ZMAT4: variants seen among roughly 807,000 people sequenced by gnomAD.
ZMAT4 encodes the protein zinc finger matrin-type 4.
In ZMAT4, 17 loss-of-function variants were observed where a neutral mutation model predicts 28.7. That is an observed-to-expected ratio of 0.59 (90% CI 0.41 to 0.89). ZMAT4 has a LOEUF of 0.89. ZMAT4 is among the 40% of genes least tolerant of loss of function. ZMAT4 has a pLI of 0.00. For synonymous variants in ZMAT4, 117 were observed against 109.2 expected, an observed-to-expected ratio of 1.07 and a Z score of -0.44; for missense variants, 240 against 283.8, an observed-to-expected ratio of 0.85 and a Z score of 1.11.
chr8:40,667,941 C>T (rs538412447), intron 5 of ZMAT4, among the ~76,000 whole-genome samples: 4 of 151,442 alleles, frequency 2.6e-5, no homozygotes, highest in South Asian at 2.1e-4. Flanking sequence ...ATGAGAAATA[C>T]TTTTGCCCTC....
rs183579420 is a variant in ZMAT4 at position 40,887,144 on chromosome 8, C to G, written c.-5+10539G>C. ...GGAGATCATGCCACTGCACTCCAGC[C>G]TGGGTGACAGAGCAAGACTCCGTCT... is the stretch of plus-strand genomic sequence containing the variant. On this transcript the variant is annotated intron_variant, in intron 1 of 6. Transcript: ENST00000297737. Among the ~76,000 whole-genome samples the G allele has an allele frequency of 8.3e-3, 1,121 of 135,770 alleles. 6 individuals carry two copies. Among genetic ancestry groups the G allele is most frequent in the Admixed American group, 0.012 (142 of 11,972 alleles). 89.1% of individuals were successfully genotyped at this position (135,770 alleles called of 152,430 possible).
intron 1 of ZMAT4, among the ~76,000 whole-genome samples, chr8:40,838,478 G>A (rs1041085812): frequency 6.6e-6 from 1 of 152,178 alleles, no homozygotes; most frequent in Non-Finnish European, 1.5e-5. Flanking sequence ...GAGTAGCTGG[G>A]ACTACAAGTG....
At chr8:40,590,527 G>A (rs1804856556) in intron 5 of ZMAT4, among the ~76,000 whole-genome samples, 1 of 152,018 alleles carries the variant, frequency 6.6e-6, no homozygotes, top group Admixed American at 6.6e-5. Flanking sequence ...ATGCATTCAA[G>A]CTTCCTGCAT....
intron 4 of ZMAT4, among the ~76,000 whole-genome samples, chr8:40,680,743 C>G (rs1809126901): frequency 1.3e-5 from 2 of 151,684 alleles, no homozygotes; most frequent in Admixed American, 1.3e-4. Flanking sequence ...TATACTTTCT[C>G]TCTCTCTCTA....
At chr8:40,540,446 C>G (rs918190643) in intron 6 of ZMAT4, among the ~76,000 whole-genome samples, 1 of 152,134 alleles carries the variant, frequency 6.6e-6, no homozygotes, top group African/African-American at 2.4e-5. Flanking sequence ...GTCCCACAAC[C>G]CTGATTTCAC....
chr8:40,696,615 C>A (rs1157517769), intron 4 of ZMAT4, among the ~76,000 whole-genome samples: 1 of 152,150 alleles, frequency 6.6e-6, no homozygotes, highest in Non-Finnish European at 1.5e-5. Flanking sequence ...AAGGTCAAAT[C>A]ATCGGTTATC....
intron 5 of ZMAT4, among the ~76,000 whole-genome samples, chr8:40,601,065 A>G (rs1412385811): frequency 6.6e-6 from 1 of 152,150 alleles, no homozygotes. Flanking sequence ...CATTGCTTGA[A>G]TATTTTCAGC....
rs1242881679 is a variant in ZMAT4, at chr8:40,648,814, C to A, written c.577+25890G>T. ...AATTTTCAACCCAGAATTTCATATC[C>A]AGCCAAACTAAGCTTCATAAGTGAA... is the stretch of plus-strand genomic sequence containing the variant. On this transcript the variant is annotated intron_variant, in intron 5 of 6. Transcript: ENST00000297737. 4.2e-5 allele frequency among the ~76,000 whole-genome samples: 5 copies of A among 118,280 alleles called. 1 individual carries two copies. Among genetic ancestry groups the A allele is most frequent in the African/African-American group, 1.5e-4 (5 of 34,162 alleles). The allele number at this position is 118,280 out of a possible 152,430, so 77.6% of individuals were successfully genotyped here. A position where few individuals can be genotyped will look rare whatever the true frequency, so the allele number is the denominator to read the frequency against.
intron 5 of ZMAT4, among the ~76,000 whole-genome samples, chr8:40,646,699 C>T (rs1488020990): frequency 1.3e-5 from 2 of 152,076 alleles, no homozygotes; most frequent in Non-Finnish European, 2.9e-5. Flanking sequence ...CCCAAAAGTA[C>T]ATAAAGCAAA....
chr8:40,613,180 C>CTTTTTTT (rs34687121), intron 5 of ZMAT4, among the ~76,000 whole-genome samples: 9 of 79,970 alleles, frequency 1.1e-4, no homozygotes, highest in Non-Finnish European at 1.3e-4. Flanking sequence ...TACTTTCTTT[C>CTTTTTTT]TTTTTTTTTT....
chr8:40,713,311 A>C (rs1406243087), intron 3 of ZMAT4, among the ~76,000 whole-genome samples: 1 of 152,196 alleles, frequency 6.6e-6, no homozygotes, highest in Admixed American at 6.5e-5. Flanking sequence ...ATACAGTCTT[A>C]GGATGAGTTA....
chr8:40,813,542 C>G (rs922933416), intron 2 of ZMAT4, among the ~76,000 whole-genome samples: 1 of 152,220 alleles, frequency 6.6e-6, no homozygotes, highest in Admixed American at 6.5e-5. Context: ...AAGCATGAAC[C>G]TTTCCATGAA....
At chr8:40,808,805 A>T (rs1249173422) in intron 2 of ZMAT4, among the ~76,000 whole-genome samples, 1 of 152,100 alleles carries the variant, frequency 6.6e-6, no homozygotes, top group Non-Finnish European at 1.5e-5. Flanking sequence ...AACTAATGTT[A>T]AAAACTCGCC....
intron 1 of ZMAT4, among the ~76,000 whole-genome samples, chr8:40,867,901 G>T (rs1164911053): frequency 6.6e-6 from 1 of 151,698 alleles, no homozygotes; most frequent in African/African-American, 2.4e-5. Flanking sequence ...TGCATGGCCT[G>T]CACATGTATC....
At chr8:40,632,574 AAG>A (rs1806633728) in intron 5 of ZMAT4, among the ~76,000 whole-genome samples, 1 of 152,120 alleles carries the variant, frequency 6.6e-6, no homozygotes, top group African/African-American at 2.4e-5. Flanking sequence ...GACTGAGACA[AAG>A]AGAAGAAGGC....
At position 40,753,368 on chromosome 8, in the gene ZMAT4, T is replaced by A. The variant is rs773383014; in HGVS notation, c.192+14273A>T. On this transcript the variant is annotated intron_variant, in intron 3 of 6. Transcript: ENST00000297737. ...CCCCACCATCACTGCAAAACATATA[T>A]CTCTGTGCTTAGTTAATCACTAATC... Among the ~76,000 whole-genome samples, 9 of 152,304 alleles carry A rather than the reference T, an allele frequency of 5.9e-5. No homozygotes were observed. The South Asian group carries it at 8.3e-4, about 14-fold the overall frequency.
At chr8:40,606,341 C>G (rs915153629) in intron 5 of ZMAT4, among the ~76,000 whole-genome samples, 6 of 152,076 alleles carry the variant, frequency 3.9e-5, no homozygotes, top group Admixed American at 6.5e-5. Context: ...AGATTTAAAG[C>G]TCCTTTTAGC....
At chr8:40,636,061 T>C (rs1042450755) in intron 5 of ZMAT4, among the ~76,000 whole-genome samples, 1 of 152,228 alleles carries the variant, frequency 6.6e-6, no homozygotes, top group Admixed American at 6.5e-5. Context: ...TGCAGAACTG[T>C]GAACAAGTCT....
intron 3 of ZMAT4, among the ~76,000 whole-genome samples, chr8:40,752,104 A>T (rs542614975): frequency 6.6e-6 from 1 of 152,246 alleles, no homozygotes; most frequent in South Asian, 2.1e-4. Context: ...TCCTACTGGA[A>T]GCACATATCA....
Sources: allele counts gnomAD v4.1 joint callset (sites outside exome capture counted in the v4.1 genomes callset), GRCh38; gene constraint gnomAD v4.1.1; transcripts MANE v1.5; gene names NCBI Gene and HGNC (gene_info 2026-07-23, HGNC 2026-07-21).